PCDH9: variants seen among roughly 807,000 people sequenced by gnomAD.
PCDH9 encodes protocadherin 9.
A neutral mutation model predicts 70.6 loss-of-function variants in PCDH9; 24 were observed. The ratio of observed to expected loss-of-function variants is 0.34; its 90% confidence interval spans 0.25 to 0.48. The LOEUF is 0.48. Ranked by LOEUF, PCDH9 falls within the 20% of genes least tolerant of loss-of-function variation. PCDH9 has a pLI of 0.99. For synonymous variants in PCDH9, 562 were observed against 558.5 expected (o/e 1.01, Z -0.09); for missense variants, 1,281 against 1,503.6 (o/e 0.85, Z 2.45).
At chr13:66,875,517 T>C (rs906803366) in intron 3 of PCDH9, among the ~76,000 whole-genome samples, 1 of 152,178 alleles carries the variant, frequency 6.6e-6, no homozygotes, top group African/African-American at 2.4e-5. Context: ...GGTAAAAGGC[T>C]GCTTTGAACA....
At chr13:66,656,749 T>G (rs1262756097) in intron 3 of PCDH9, among the ~76,000 whole-genome samples, 1 of 152,108 alleles carries the variant, frequency 6.6e-6, no homozygotes, top group East Asian at 1.9e-4. Flanking sequence ...TTCTGACAAG[T>G]AGGGGGATAT....
intron 2 of PCDH9, among the ~76,000 whole-genome samples, chr13:67,137,198 T>C (rs2087254327): frequency 6.6e-6 from 1 of 152,128 alleles, no homozygotes; most frequent in Non-Finnish European, 1.5e-5. Context: ...AGCTGGGACT[T>C]CTAATCTAAT....
intron 4 of PCDH9, among the ~76,000 whole-genome samples, chr13:66,504,225 A>T (rs543487583): frequency 1.3e-5 from 2 of 152,304 alleles, no homozygotes; most frequent in African/African-American, 4.8e-5. Context: ...GTACCTTAGG[A>T]TTAGGCCTGT....
chr13:67,049,428 C>A (rs2085282413), intron 2 of PCDH9, among the ~76,000 whole-genome samples: 1 of 152,216 alleles, frequency 6.6e-6, no homozygotes. Context: ...CTATTCCAAT[C>A]ATTGTGGAAA....
chr13:67,210,270 G>C (rs1442306514), intron 2 of PCDH9: 3 of 151,864 alleles, frequency 2.0e-5, no homozygotes, highest in Non-Finnish European at 4.4e-5. Flanking sequence ...TAATTCAAGA[G>C]AAAAAAGTTA....
At chr13:67,084,983 AAAAAAAAAAAAAAAAT>A (rs2086068628) in intron 2 of PCDH9, among the ~76,000 whole-genome samples, 1 of 71,664 alleles carries the variant, frequency 1.4e-5, no homozygotes, top group African/African-American at 5.3e-5. Flanking sequence ...AAAAAAAAAA[AAAAAAAAAAAAAAAAT>A]ATATATATAT....
chr13:66,629,741 T>C (rs930593694), intron 4 of PCDH9, among the ~76,000 whole-genome samples: 4 of 152,094 alleles, frequency 2.6e-5, no homozygotes, highest in African/African-American at 7.2e-5. Flanking sequence ...TTGCCTTGAG[T>C]AGAGAAAATT....
chr13:66,691,834 T>C (rs553938463), intron 3 of PCDH9, among the ~76,000 whole-genome samples: 22 of 152,352 alleles, frequency 1.4e-4, no homozygotes, highest in African/African-American at 5.3e-4. Flanking sequence ...GTCGTAATAT[T>C]TGAAATCATG....
chr13:67,113,358 AACACATTC>A (rs1472422617), intron 2 of PCDH9, among the ~76,000 whole-genome samples: 3 of 152,206 alleles, frequency 2.0e-5, no homozygotes, highest in Admixed American at 2.0e-4. Flanking sequence ...AAAAATGTTT[AACACATTC>A]ACAATGGAGG....
chr13:67,228,503 G>A lies in PCDH9; in HGVS notation c.-63C>T, dbSNP rs999365183. 39 of 1,382,178 alleles carry A rather than the reference G, an allele frequency of 2.8e-5. No individual in the cohort carries two copies. Among genetic ancestry groups the A allele is most frequent in the Non-Finnish European group, 3.5e-5 (36 of 1,020,432 alleles). 85.6% of individuals were successfully genotyped at this position (1,382,178 alleles called of 1,614,324 possible). On this transcript the variant is annotated 5_prime_UTR_variant, in exon 2 of 5. Coordinates refer to ENST00000377865, the MANE Select transcript of PCDH9 (RefSeq NM_203487.3). ...TTAAAGGTTTCCACTGAGGAATGAT[G>A]CACAAATTGCAAGAGGAAGCGTGCA...
intron 4 of PCDH9, among the ~76,000 whole-genome samples, chr13:66,455,001 A>T (rs921839413): frequency 2.0e-5 from 3 of 152,064 alleles, no homozygotes; most frequent in African/African-American, 4.8e-5. Flanking sequence ...TATAAAAAAA[A>T]TTACTTGAGT....
At chr13:66,470,860 T>C (rs536723256) in intron 4 of PCDH9, among the ~76,000 whole-genome samples, 8 of 151,628 alleles carry the variant, frequency 5.3e-5, no homozygotes, top group African/African-American at 1.9e-4. Flanking sequence ...ATCTCAACTT[T>C]TACAGTTCTG....
rs1258707163 is a variant in PCDH9 at position 66,542,850 on chromosome 13, T to C, written c.3340+88360A>G. 2.0e-5 allele frequency among the ~76,000 whole-genome samples: 3 copies of C among 148,988 alleles called. No homozygotes were observed. In the East Asian group the frequency reaches 5.8e-4, roughly 29 times the overall value. On this transcript the variant is annotated intron_variant, in intron 4 of 4. Coordinates refer to ENST00000377865, the MANE Select transcript of PCDH9 (RefSeq NM_203487.3). ...TTGGTTCTGATTCTGTGGAGAACCCTATACAACTATTATGTATCTATCATA... is the reference window on the plus strand; with the variant it reads ...TTGGTTCTGATTCTGTGGAGAACCCCATACAACTATTATGTATCTATCATA...
At chr13:66,674,611 G>C (rs189415536) in intron 3 of PCDH9, among the ~76,000 whole-genome samples, 49 of 152,038 alleles carry the variant, frequency 3.2e-4, no homozygotes, top group African/African-American at 1.1e-3. Context: ...TCACTAAATG[G>C]GAGGTCCGTC....
At chr13:66,486,657 G>T (rs1412417144) in intron 4 of PCDH9, among the ~76,000 whole-genome samples, 2 of 141,716 alleles carry the variant, frequency 1.4e-5, no homozygotes, top group Non-Finnish European at 3.1e-5. Context: ...AAAAAAAAAA[G>T]TATTTGAGTT....
intron 3 of PCDH9, among the ~76,000 whole-genome samples, chr13:66,892,240 GTGTA>G (rs1184115344): frequency 2.0e-5 from 3 of 147,988 alleles, no homozygotes; most frequent in African/African-American, 7.4e-5. Flanking sequence ...TAATGTGTGT[GTGTA>G]TATATATATA....
At chr13:66,577,010 G>T (rs2076824772) in intron 4 of PCDH9, among the ~76,000 whole-genome samples, 1 of 151,812 alleles carries the variant, frequency 6.6e-6, no homozygotes, top group South Asian at 2.1e-4. Flanking sequence ...TATTATAACT[G>T]CTTGAATAAA....
At chr13:66,590,210 A>G (rs538687853) in intron 4 of PCDH9, among the ~76,000 whole-genome samples, 8 of 152,010 alleles carry the variant, frequency 5.3e-5, no homozygotes, top group Non-Finnish European at 8.8e-5. Context: ...ATGCATTTAT[A>G]TAGGTTAGTA....
intron 2 of PCDH9, among the ~76,000 whole-genome samples, chr13:67,071,156 C>A (rs1252417470): frequency 6.6e-6 from 1 of 152,058 alleles, no homozygotes; most frequent in Non-Finnish European, 1.5e-5. Flanking sequence ...ACAAGGAGAG[C>A]CAAATTATTT....
Sources: gnomAD v4.1 joint callset for allele counts (sites outside exome capture counted in the v4.1 genomes callset) on GRCh38, gnomAD v4.1.1 for gene constraint, MANE v1.5 for transcripts, NCBI Gene and HGNC (gene_info 2026-07-23, HGNC 2026-07-21) for gene names.